IL1RAPL1: variants seen among roughly 807,000 people sequenced by gnomAD.
The protein encoded by IL1RAPL1 is interleukin 1 receptor accessory protein like 1.
Under a neutral mutation model 48.4 loss-of-function variants are expected in IL1RAPL1, and 3 were observed. The ratio of observed to expected loss-of-function variants is 0.06; its 90% CI spans 0.03 to 0.16. The LOEUF (loss-of-function observed/expected upper bound fraction) is 0.16, where lower values mean the gene tolerates loss of function less well. Ranked by LOEUF, IL1RAPL1 falls within the 10% of genes least tolerant of loss-of-function variation. The pLI, the probability that IL1RAPL1 is intolerant of heterozygous loss-of-function variation, is 1.00. For missense variants in IL1RAPL1, 349 were observed against 530.6 expected (o/e 0.66, Z 3.36); for synonymous variants, 185 against 187.7 (o/e 0.99, Z 0.12).
chrX:28,610,809 A>G (rs1188245753), intron 1 of IL1RAPL1, among the ~76,000 whole-genome samples: 8 of 110,925 alleles, frequency 7.2e-5, no homozygotes, highest in Non-Finnish European at 1.5e-4. Flanking sequence ...GGTGGAGCCA[A>G]GATTCTGCAT....
chrX:29,630,088 A>G (rs1009570174), intron 5 of IL1RAPL1, among the ~76,000 whole-genome samples: 1 of 112,239 alleles, frequency 8.9e-6, no homozygotes, highest in African/African-American at 3.2e-5. Flanking sequence ...TGGAAGCTGG[A>G]AAGTCCCAGA....
intron 5 of IL1RAPL1, among the ~76,000 whole-genome samples, chrX:29,523,240 G>A (rs1193794849): frequency 9.0e-6 from 1 of 111,022 alleles, no homozygotes; most frequent in Non-Finnish European, 1.9e-5. Flanking sequence ...AGCTTTTTAT[G>A]AGCCAGGTTT....
chrX:28,601,416 C>T (rs966383242), intron 1 of IL1RAPL1, among the ~76,000 whole-genome samples: 1 of 111,410 alleles, frequency 9.0e-6, no homozygotes, highest in African/African-American at 3.3e-5. Context: ...CAGAGCAAGA[C>T]TCCATCTCAA....
Position 29,315,324 on chromosome X carries a change from G to A in IL1RAPL1, c.362+32107G>A, listed in dbSNP as rs1297567749. ...GATAATTCCAACCAGAGGATGGAAG[G>A]ATCAAAGGTTTTTTTTCTATCAAGG... On this transcript the variant is annotated intron_variant, in intron 3 of 10. Transcript: ENST00000378993. Among the ~76,000 whole-genome samples, 3 of 111,560 alleles carry A rather than the reference G, an allele frequency of 2.7e-5. No homozygotes were observed. In the Admixed American group the frequency reaches 2.9e-4, roughly 11 times the overall value.
chrX:29,823,285 C>G (rs1379982501), intron 6 of IL1RAPL1, among the ~76,000 whole-genome samples: 3 of 111,827 alleles, frequency 2.7e-5, no homozygotes, highest in Non-Finnish European at 5.6e-5. Context: ...TAAATAATAG[C>G]CTGAGCAGCC....
chrX:29,337,791 C>T (rs757369047), intron 3 of IL1RAPL1, among the ~76,000 whole-genome samples: 1 of 110,854 alleles, frequency 9.0e-6, no homozygotes, highest in African/African-American at 3.3e-5. Flanking sequence ...TCTCCTGCTT[C>T]AGCTTCCTGA....
intron 6 of IL1RAPL1, among the ~76,000 whole-genome samples, chrX:29,863,677 C>A (rs1469972958): frequency 1.8e-5 from 2 of 112,090 alleles, no homozygotes; most frequent in Non-Finnish European, 3.8e-5. Context: ...AGTAAGTTCC[C>A]TAAATTGTAT....
chrX:29,109,296 CTT>C (rs1284553812), intron 2 of IL1RAPL1, among the ~76,000 whole-genome samples: 5 of 90,461 alleles, frequency 5.5e-5, no homozygotes, highest in Admixed American at 1.2e-4. Context: ...AGTACCTGTT[CTT>C]TTTTTTTTTT....
intron 2 of IL1RAPL1, among the ~76,000 whole-genome samples, chrX:29,043,783 A>G (rs976035911): frequency 9.0e-6 from 1 of 111,704 alleles, no homozygotes; most frequent in African/African-American, 3.3e-5. Flanking sequence ...CCATAAAACT[A>G]ACTATTCAAT....
At chrX:29,381,817 A>C (rs1183979535) in intron 3 of IL1RAPL1, among the ~76,000 whole-genome samples, 2 of 14,602 alleles carry the variant, frequency 1.4e-4, no homozygotes, top group African/African-American at 3.0e-4. Flanking sequence ...CTGTTGCCAA[A>C]AAAAAAAAAA....
intron 2 of IL1RAPL1, among the ~76,000 whole-genome samples, chrX:29,026,284 T>C (rs1318419989): frequency 8.9e-6 from 1 of 112,366 alleles, no homozygotes; most frequent in Non-Finnish European, 1.9e-5. Context: ...TCAGAAACCA[T>C]GATAACTTCT....
chrX:29,951,452 G>T (rs1427324222), intron 9 of IL1RAPL1, among the ~76,000 whole-genome samples: 3 of 111,513 alleles, frequency 2.7e-5, no homozygotes, highest in African/African-American at 9.8e-5. Flanking sequence ...CATAACACAT[G>T]ATCAGTGGTA....
intron 5 of IL1RAPL1, among the ~76,000 whole-genome samples, chrX:29,527,326 CTTTTTTTTTTTTT>C (rs61003668): frequency 1.7e-3 from 44 of 25,570 alleles, no homozygotes; most frequent in African/African-American, 6.4e-3. Flanking sequence ...GGGAAGGACT[CTTTTTTTTTTTTT>C]TTTTTTTTTT....
intron 3 of IL1RAPL1, among the ~76,000 whole-genome samples, chrX:29,373,867 ATT>A (rs59750110): frequency 4.6e-5 from 1 of 21,659 alleles, no homozygotes; most frequent in African/African-American, 2.1e-4. Flanking sequence ...TCTCTTTTTA[ATT>A]TTTTTTTTTT....
chrX:28,752,378 G>T (rs1936053845), intron 1 of IL1RAPL1, among the ~76,000 whole-genome samples: 1 of 111,898 alleles, frequency 8.9e-6, no homozygotes, highest in African/African-American at 3.3e-5. Context: ...GCAGTGAAGA[G>T]ATTTAATACA....
At chrX:29,532,554 G>T (rs776276488) in intron 5 of IL1RAPL1, among the ~76,000 whole-genome samples, 1 of 111,239 alleles carries the variant, frequency 9.0e-6, no homozygotes, top group Admixed American at 9.6e-5. Flanking sequence ...TGCTTAGTTG[G>T]GATCTCTGTA....
At chrX:29,766,880 C>T (rs1383461145) in intron 6 of IL1RAPL1, among the ~76,000 whole-genome samples, 2 of 107,651 alleles carry the variant, frequency 1.9e-5, no homozygotes, top group South Asian at 3.8e-4. Flanking sequence ...CTTCTAAATG[C>T]TTCATCATAT....
At chrX:28,635,805 G>GTGTGTA (rs1339352236) in intron 1 of IL1RAPL1, among the ~76,000 whole-genome samples, 2 of 111,483 alleles carry the variant, frequency 1.8e-5, no homozygotes, top group Non-Finnish European at 3.8e-5. Context: ...GCGTGTGTGT[G>GTGTGTA]TGTGTATGTG....
chrX:29,013,457 A>G (rs892018894), intron 2 of IL1RAPL1, among the ~76,000 whole-genome samples: 1 of 112,171 alleles, frequency 8.9e-6, no homozygotes, highest in Non-Finnish European at 1.9e-5. Context: ...AAAGACATGG[A>G]ATCAATATAA....
Sources: gnomAD v4.1 joint callset for allele counts (sites outside exome capture counted in the v4.1 genomes callset) on GRCh38, gnomAD v4.1.1 for gene constraint, MANE v1.5 for transcripts, NCBI Gene and HGNC (gene_info 2026-07-23, HGNC 2026-07-21) for gene names.